PRKDC: variants seen among roughly 807,000 people sequenced by gnomAD.
PRKDC encodes DNA-dependent protein kinase catalytic subunit.
A neutral mutation model predicts 486.9 loss-of-function variants in PRKDC; 82 were observed. The ratio of observed to expected loss-of-function variants is 0.17; its 90% CI spans 0.14 to 0.20. The LOEUF (loss-of-function observed/expected upper bound fraction) is 0.20. PRKDC is among the 10% of genes least tolerant of loss of function. The probability of loss-of-function intolerance (pLI) is 1.00; values close to 1 mark genes in which losing one functional copy is unlikely to be tolerated. For missense variants in PRKDC, 4,504 were observed against 5,038.2 expected (o/e 0.89, Z 3.21); for synonymous variants, 1,895 against 1,837.0 (o/e 1.03, Z -0.81).
At chr8:47,777,525 A>G (rs2086627431) in intron 84 of PRKDC, among the ~76,000 whole-genome samples, 161 bp downstream of exon 84, 1 of 152,174 alleles carries the variant, frequency 6.6e-6, no homozygotes, top group Non-Finnish European at 1.5e-5. Context: ...CTGGTTTTCA[A>G]GCAGACAATC....
At chr8:47,944,686 A>G (rs2090501665) in intron 7 of PRKDC, among the ~76,000 whole-genome samples, 1 of 152,170 alleles carries the variant, frequency 6.6e-6, no homozygotes, top group African/African-American at 2.4e-5. Context: ...CTCCCACCAC[A>G]TTATTCATTG....
At position 47,782,559 on chromosome 8, in the gene PRKDC, T is replaced by G; in HGVS notation, c.11215A>C (p.Ile3739Leu). 6.4e-7 allele frequency: 1 copy of G among 1,570,786 alleles called. No individual in the cohort carries two copies. Among genetic ancestry groups the G allele is most frequent in the Non-Finnish European group, 8.6e-7 (1 of 1,158,016 alleles). Reference protein sequence around the residue: ...MASLRRPKRIIIRGHDEREHP... With the variant: ...MASLRRPKRILIRGHDEREHP... ...TCCCTCTCGTCATGGCCACGGATGA[T>G]GATGCGCTTGGGCCTTCGCAGAGAC... The change falls in exon 79 of 86, where the codon ATC becomes CTC. Residue 3739 changes from isoleucine to leucine, a missense_variant. By Grantham distance (5) the Ile-to-Leu change is conservative (BLOSUM62 2). Transcript: ENST00000314191. This position sits in a 1 kb window ranked among gnomAD's most constrained non-coding sequence, Gnocchi z 4.9.
chr8:47,826,649 C>G lies in PRKDC; in HGVS notation c.8783+7G>C. 1 of 1,603,794 alleles carries G rather than the reference C, an allele frequency of 6.2e-7. No homozygotes were observed. The highest frequency in any genetic ancestry group is 8.5e-7 in the Non-Finnish European group (1 of 1,172,908). ...GTGCTCCCAAGAGCACCTGACCTCA[C>G]ACTTACTTAGCAAGCTCCACCCATC... is the stretch of plus-strand genomic sequence containing the variant. On this transcript the variant is annotated splice_region_variant and intron_variant, in intron 63 of 85. Transcript: ENST00000314191.
intron 26 of PRKDC, among the ~76,000 whole-genome samples, chr8:47,904,653 C>T (rs1176162847): frequency 6.6e-6 from 1 of 152,188 alleles, no homozygotes; most frequent in Non-Finnish European, 1.5e-5. Context: ...ATTAGGCAGG[C>T]ATGGTGGTGT....
intron 63 of PRKDC, among the ~76,000 whole-genome samples, chr8:47,826,043 C>T (rs1481430200): frequency 6.6e-6 from 1 of 152,214 alleles, no homozygotes; most frequent in African/African-American, 2.4e-5. Flanking sequence ...GATCCCCTCC[C>T]TTACTTTTAC....
Position 47,863,528 on chromosome 8 carries a change from T to C in PRKDC, c.5621A>G (p.Tyr1874Cys), listed in dbSNP as rs373677404. Residue 1874 changes from tyrosine to cysteine, a missense_variant, in exon 42 of 86, where the codon TAT becomes TGT. Tyr to Cys is a radical substitution (Grantham distance 194, BLOSUM62 -2). Transcript: ENST00000314191. The part of the protein sequence containing the change: ...DTQITKKMGY[Y>C]KILDVMYSRL... ...AGAATACATCACGTCTAGAATCTTA[T>C]AGTAGCCCATCTTCTTGGTGATTTG... 72 of 1,612,802 alleles carry C rather than the reference T, an allele frequency of 4.5e-5. No homozygotes were observed. The highest frequency in any genetic ancestry group is 5.9e-5 in the Non-Finnish European group (69 of 1,179,306).
At chr8:47,822,589 G>A (rs1198902978) in intron 64 of PRKDC, among the ~76,000 whole-genome samples, 1 of 151,844 alleles carries the variant, frequency 6.6e-6, no homozygotes, top group Non-Finnish European at 1.5e-5. Flanking sequence ...AGGAGATCGA[G>A]ACCATCCTGG....
At position 47,831,912 on chromosome 8, in the gene PRKDC, T is replaced by G. The variant is rs371797273; in HGVS notation, c.8167A>C (p.Thr2723Pro). ...CGTCTGCGCAGTCGTAGTAGGTCCG[T>G]CCGGCCGGCCGCACCTGGAGAGGGA... ...DNKVKGAAGR[T>P]DLLRLRRRFM... The change falls in exon 60 of 86, where the codon ACG becomes CCG. Residue 2723 changes from threonine to proline, a missense_variant. By Grantham distance (38) the Thr-to-Pro change is conservative. This residue lies in a region of PRKDC where 1,592 missense variants were observed against 1,724.6 expected (regional missense o/e 0.92). Coordinates refer to ENST00000314191, the MANE Select transcript of PRKDC (RefSeq NM_006904.7). 2.4e-5 allele frequency: 39 copies of G among 1,612,538 alleles called. No homozygotes were observed. The Middle Eastern group carries it at 8.3e-4, about 34-fold the overall frequency.
At chr8:47,776,432 TTC>T (rs1335884537) in intron 85 of PRKDC, among the ~76,000 whole-genome samples, 11 of 152,184 alleles carry the variant, frequency 7.2e-5, no homozygotes, top group Admixed American at 7.2e-4. Context: ...CCAAATTGAA[TTC>T]TCATCTAACA....
intron 49 of PRKDC, among the ~76,000 whole-genome samples, chr8:47,856,477 G>T (rs2088542424): frequency 6.6e-6 from 1 of 152,148 alleles, no homozygotes; most frequent in Non-Finnish European, 1.5e-5. Flanking sequence ...TGATCTGCCT[G>T]CCTTGGTCTC....
Position 47,881,341 on chromosome 8 carries a change from T to C in PRKDC, c.5067+75A>G, listed in dbSNP as rs2089211708. On this transcript the variant is annotated intron_variant, in intron 38 of 85. Coordinates refer to ENST00000314191, the MANE Select transcript of PRKDC (RefSeq NM_006904.7). ...GTTTGAAATTTTCCATAATAAAAAA[T>C]AAAAAACATCACAAATAAAAAATAC... The C allele has an allele frequency of 4.3e-6, 4 of 938,310 alleles. No individual in the cohort carries two copies. The East Asian group carries it at 1.1e-4, about 25-fold the overall frequency. The allele number at this position is 938,310 out of a possible 1,614,324, so 58.1% of individuals were successfully genotyped here. A position where few individuals can be genotyped will look rare whatever the true frequency, so the allele number is the denominator to read the frequency against.
At chr8:47,811,714 C>T (rs1327889113) in intron 68 of PRKDC, among the ~76,000 whole-genome samples, 4 of 152,260 alleles carry the variant, frequency 2.6e-5, no homozygotes, top group African/African-American at 4.8e-5. Context: ...TGGTGGTTCA[C>T]GCCTGTAATC....
At chr8:47,955,352 C>G (rs1194269407) in intron 4 of PRKDC, among the ~76,000 whole-genome samples, 2 of 142,876 alleles carry the variant, frequency 1.4e-5, no homozygotes, top group Non-Finnish European at 3.0e-5. Flanking sequence ...GTCCCAGCTA[C>G]TTGGGAGGCT....
At chr8:47,905,389 A>C (rs1383693657) in intron 25 of PRKDC, among the ~76,000 whole-genome samples, 1 of 152,202 alleles carries the variant, frequency 6.6e-6, no homozygotes, top group East Asian at 1.9e-4. Context: ...AAAAATATGC[A>C]ACAAAAGCTC....
Position 47,889,199 on chromosome 8 carries a change from A to T in PRKDC, c.4095T>A (p.Asn1365Lys). 6.2e-7 allele frequency: 1 copy of T among 1,611,048 alleles called. No individual in the cohort carries two copies. Among genetic ancestry groups the T allele is most frequent in the Non-Finnish European group, 8.5e-7 (1 of 1,178,614 alleles). The change falls in exon 33 of 86, where the codon AAT (asparagine) becomes AAA (lysine). Residue 1365 changes from asparagine to lysine, a missense_variant. Physicochemically the swap from Asn to Lys is moderately conservative, Grantham distance 94 (BLOSUM62 0). Transcript: ENST00000314191. Reference protein sequence around the residue: ...GWKLLKKDLCNTHLMRVLVQT... With the variant: ...GWKLLKKDLCKTHLMRVLVQT... ...GCACCAGGACTCTCATCAGGTGTGTATTACACAAGTCCTTCTTCAGGAGCT... is the reference window on the plus strand; with the variant it reads ...GCACCAGGACTCTCATCAGGTGTGTTTTACACAAGTCCTTCTTCAGGAGCT...
intron 74 of PRKDC, 57 bp downstream of exon 74, chr8:47,794,233 C>CTA: frequency 7.0e-7 from 1 of 1,426,574 alleles, no homozygotes; most frequent in South Asian, 1.2e-5. Context: ...GTGCTTTAAC[C>CTA]ACATTTTTAT....
intron 76 of PRKDC, among the ~76,000 whole-genome samples, chr8:47,786,088 A>G (rs1344446736): frequency 6.6e-6 from 1 of 151,226 alleles, no homozygotes; most frequent in East Asian, 1.9e-4. Flanking sequence ...CCTGGGTGAT[A>G]GAGTGAGACT....
intron 62 of PRKDC, among the ~76,000 whole-genome samples, chr8:47,827,381 A>C (rs1384230853): frequency 6.6e-6 from 1 of 152,264 alleles, no homozygotes; most frequent in Non-Finnish European, 1.5e-5. Context: ...AAAAATACTA[A>C]AATGAATCAA....
intron 21 of PRKDC, among the ~76,000 whole-genome samples, chr8:47,920,153 T>C (rs1466241533): frequency 1.3e-5 from 2 of 152,212 alleles, no homozygotes; most frequent in Non-Finnish European, 2.9e-5. Flanking sequence ...TCAATAAATA[T>C]GTGGGTAAAT....
Sources: allele counts gnomAD v4.1 joint callset (sites outside exome capture counted in the v4.1 genomes callset), GRCh38; gene constraint gnomAD v4.1.1; regional missense constraint gnomAD v4.1.1; non-coding constraint Gnocchi (gnomAD v3.1); transcripts MANE v1.5; gene names NCBI Gene and HGNC (gene_info 2026-07-23, HGNC 2026-07-21).